STIM2: variants seen among roughly 807,000 people sequenced by gnomAD.
The protein encoded by STIM2 is stromal interaction molecule 2.
STIM2 carries 31 observed loss-of-function variants against 85.8 expected under a neutral mutation model. That is an observed-to-expected ratio of 0.36 (90% CI 0.27 to 0.49). The LOEUF (loss-of-function observed/expected upper bound fraction) is 0.49, where lower values mean the gene tolerates loss of function less well. STIM2 is among the 20% of genes least tolerant of loss of function. STIM2 has a pLI of 0.98. For missense variants in STIM2, 841 were observed against 927.6 expected, an observed-to-expected ratio of 0.91 and a Z score of 1.21; for synonymous variants, 356 against 331.1, an observed-to-expected ratio of 1.08 and a Z score of -0.82.
At chr4:26,882,527 A>T (rs746608597) in intron 1 of STIM2, among the ~76,000 whole-genome samples, 5 of 151,040 alleles carry the variant, frequency 3.3e-5, no homozygotes, top group Non-Finnish European at 7.4e-5. Flanking sequence ...GTGCCATTGT[A>T]GCTCACTGCA....
At chr4:26,915,077 A>T (rs949258478) in intron 1 of STIM2, among the ~76,000 whole-genome samples, 10 of 152,282 alleles carry the variant, frequency 6.6e-5, no homozygotes, top group Middle Eastern at 3.4e-3. Context: ...CATTTCTAGG[A>T]GTGTGATCTT....
At chr4:27,019,939 G>A (rs553676761) in intron 11 of STIM2, among the ~76,000 whole-genome samples, 1 of 152,320 alleles carries the variant, frequency 6.6e-6, no homozygotes, top group Admixed American at 6.5e-5. Flanking sequence ...TAGTTATGCA[G>A]AAGAAGCAAC....
intron 3 of STIM2, among the ~76,000 whole-genome samples, chr4:26,959,314 TC>T (rs1287347968): frequency 2.0e-5 from 3 of 152,102 alleles, no homozygotes; most frequent in African/African-American, 4.8e-5. Context: ...AATGCACACA[TC>T]CTCATGGCTA....
Position 27,007,525 on chromosome 4 carries a change from T to C in STIM2, c.982-8T>C, listed in dbSNP as rs765178063. On this transcript the variant is annotated splice_polypyrimidine_tract_variant and splice_region_variant and intron_variant, in intron 7 of 11. Transcript: ENST00000467087. ...TCCTTTCTTGCCTCCTTCCTTTCCT[T>C]CTTCTAGGTTCGCATGGCTCTGAAA... 3.3e-6 allele frequency: 5 copies of C among 1,499,632 alleles called. No homozygotes were observed. Among genetic ancestry groups the C allele is most frequent in the Admixed American group, 2.2e-5 (1 of 45,320 alleles). 92.9% of individuals were successfully genotyped at this position (1,499,632 alleles called of 1,614,324 possible).
chr4:26,878,549 C>T (rs1387439846), intron 1 of STIM2, among the ~76,000 whole-genome samples: 1 of 152,054 alleles, frequency 6.6e-6, no homozygotes, highest in Non-Finnish European at 1.5e-5. Flanking sequence ...CTGTAATTGT[C>T]TCTCAGACTC....
At chr4:26,994,135 C>T (rs1727866563) in intron 3 of STIM2, among the ~76,000 whole-genome samples, 1 of 152,044 alleles carries the variant, frequency 6.6e-6, no homozygotes, top group Non-Finnish European at 1.5e-5. Flanking sequence ...CCACCAATAC[C>T]TCTGTTCCTA....
At chr4:27,008,594 C>A (rs1308301439) in intron 9 of STIM2, 66 bp downstream of exon 9, 1 of 1,219,476 alleles carries the variant, frequency 8.2e-7, no homozygotes, top group Non-Finnish European at 1.2e-6. Flanking sequence ...AATTTGTGAA[C>A]AATTTATATT....
intron 2 of STIM2, among the ~76,000 whole-genome samples, chr4:26,921,152 G>A (rs1041588842): frequency 2.0e-5 from 3 of 152,156 alleles, no homozygotes; most frequent in African/African-American, 7.2e-5. Flanking sequence ...AGATGACTCT[G>A]TGACAGTGGA....
At chr4:26,879,999 T>C in intron 1 of STIM2, among the ~76,000 whole-genome samples, 1 of 151,530 alleles carries the variant, frequency 6.6e-6, no homozygotes, top group South Asian at 2.1e-4. Flanking sequence ...TTATCATTCT[T>C]TACCTTCTGC....
intron 4 of STIM2, among the ~76,000 whole-genome samples, chr4:26,995,840 T>C (rs968034280): frequency 2.0e-5 from 3 of 152,114 alleles, no homozygotes; most frequent in Non-Finnish European, 4.4e-5. Flanking sequence ...TCTACTTGAA[T>C]GAATTAATGT....
chr4:26,908,920 C>A (rs35197574), intron 1 of STIM2, among the ~76,000 whole-genome samples: 18,913 of 152,144 alleles, frequency 0.12, 1,961 homozygotes, highest in African/African-American at 0.29. Context: ...AAATGAAAGA[C>A]TGATATTTTT....
intron 8 of STIM2, chr4:27,008,021 G>A (rs1257077857): frequency 2.8e-6 from 2 of 716,704 alleles, no homozygotes; most frequent in South Asian, 3.0e-5. Context: ...GTAGTTACTG[G>A]AAATTAACTT....
chr4:26,950,347 C>A (rs1220058108), intron 2 of STIM2, among the ~76,000 whole-genome samples: 1 of 152,200 alleles, frequency 6.6e-6, no homozygotes, highest in Non-Finnish European at 1.5e-5. Flanking sequence ...ACAATCTACA[C>A]ACTCCTGTTT....
intron 1 of STIM2, among the ~76,000 whole-genome samples, chr4:26,898,366 A>T (rs950742636): frequency 3.3e-5 from 5 of 152,146 alleles, no homozygotes; most frequent in African/African-American, 1.2e-4. Flanking sequence ...CAGGAGTCAC[A>T]TCATGTTTGG....
chr4:26,884,153 A>G (rs1723124511), intron 1 of STIM2, among the ~76,000 whole-genome samples: 1 of 152,220 alleles, frequency 6.6e-6, no homozygotes, highest in African/African-American at 2.4e-5. Context: ...AATCATCTGT[A>G]TAACGAACCA....
chr4:27,009,061 G>A (rs1325916608), intron 10 of STIM2, 59 bp downstream of exon 10: 1 of 1,434,202 alleles, frequency 7.0e-7, no homozygotes, highest in African/African-American at 1.4e-5. Flanking sequence ...TTTCTCCTAT[G>A]TCCTTTTAGG....
chr4:26,962,085 G>C (rs1451207417), intron 3 of STIM2, among the ~76,000 whole-genome samples: 1 of 152,152 alleles, frequency 6.6e-6, no homozygotes, highest in Non-Finnish European at 1.5e-5. Flanking sequence ...TGCTAGAAGT[G>C]AAAGTGGAGG....
At chr4:26,944,532 A>G (rs1183184405) in intron 2 of STIM2, among the ~76,000 whole-genome samples, 2 of 152,194 alleles carry the variant, frequency 1.3e-5, no homozygotes, top group Non-Finnish European at 2.9e-5. Context: ...TGCATTGTGC[A>G]TTCATGGTGT....
At chr4:27,005,235 A>C (rs991156062) in intron 7 of STIM2, among the ~76,000 whole-genome samples, 1 of 152,230 alleles carries the variant, frequency 6.6e-6, no homozygotes, top group Non-Finnish European at 1.5e-5. Context: ...TATTTTTCCT[A>C]GAACAGAGAC....
Sources: gnomAD v4.1 joint callset for allele counts (sites outside exome capture counted in the v4.1 genomes callset) on GRCh38, gnomAD v4.1.1 for gene constraint, MANE v1.5 for transcripts, NCBI Gene and HGNC (gene_info 2026-07-23, HGNC 2026-07-21) for gene names.